KIF26B: variants seen among roughly 807,000 people sequenced by gnomAD.
The protein encoded by KIF26B is kinesin-like protein KIF26B.
KIF26B carries 63 observed loss-of-function variants against 151.2 expected under a neutral mutation model. The ratio of observed to expected loss-of-function variants is 0.42; its 90% CI spans 0.34 to 0.51. The LOEUF (loss-of-function observed/expected upper bound fraction) is 0.51. Among genes scored for constraint, KIF26B ranks in the 20% least tolerant of loss-of-function variants. The pLI is 0.07. For synonymous variants in KIF26B, 1,357 were observed against 1,262.1 expected, an observed-to-expected ratio of 1.08 and a Z score of -1.59; for missense variants, 2,813 against 2,913.6, an observed-to-expected ratio of 0.97 and a Z score of 0.79.
intron 4 of KIF26B, among the ~76,000 whole-genome samples, chr1:245,497,475 A>G (rs1660536886): frequency 1.3e-5 from 2 of 152,096 alleles, no homozygotes; most frequent in Admixed American, 1.3e-4. Context: ...TAAGCTGTAA[A>G]TCAATGACCA....
chr1:245,359,858 C>A (rs1474524362), intron 2 of KIF26B, among the ~76,000 whole-genome samples: 2 of 142,230 alleles, frequency 1.4e-5, no homozygotes, highest in Non-Finnish European at 3.0e-5. Flanking sequence ...ATTGTGATTT[C>A]TTTCTTTCTT....
chr1:245,557,129 G>T (rs1662058674), intron 5 of KIF26B, among the ~76,000 whole-genome samples: 1 of 152,212 alleles, frequency 6.6e-6, no homozygotes, highest in Non-Finnish European at 1.5e-5. Flanking sequence ...TGGGACACTT[G>T]CTCTGCAGTG....
rs1459395910 is a variant in KIF26B at position 245,358,391 on chromosome 1, G to A, written c.466-8443G>A. On this transcript the variant is annotated intron_variant, in intron 2 of 14. Transcript: ENST00000407071. This position sits in a 1 kb window ranked among gnomAD's most constrained non-coding sequence, Gnocchi z 4.1. Reference sequence around the variant, plus strand: ...AAATATTAGCCAGGCGTGGTGATGGGTGCCTGTAGTCCCAGCTACTCGGGA... The same window carrying A: ...AAATATTAGCCAGGCGTGGTGATGGATGCCTGTAGTCCCAGCTACTCGGGA... 1.3e-5 allele frequency among the ~76,000 whole-genome samples: 2 copies of A among 152,136 alleles called. No homozygotes were observed. Among genetic ancestry groups the A allele is most frequent in the Non-Finnish European group, 2.9e-5 (2 of 68,022 alleles).
intron 9 of KIF26B, among the ~76,000 whole-genome samples, chr1:245,635,694 T>C (rs533952145): frequency 4.1e-4 from 62 of 152,268 alleles, no homozygotes; most frequent in African/African-American, 1.4e-3. Flanking sequence ...CTCATCTTTT[T>C]CTAATTTCTT....
chr1:245,532,292 C>A (rs944978913), intron 4 of KIF26B, among the ~76,000 whole-genome samples: 4 of 140,890 alleles, frequency 2.8e-5, no homozygotes, highest in Admixed American at 1.5e-4. Flanking sequence ...GTCGCCCAGG[C>A]TGGAGTGCAG....
chr1:245,313,564 A>C (rs1671704292), intron 2 of KIF26B, among the ~76,000 whole-genome samples: 1 of 152,226 alleles, frequency 6.6e-6, no homozygotes, highest in African/African-American at 2.4e-5. Context: ...ACCACTAGCC[A>C]TGAGCACCAC....
intron 3 of KIF26B, among the ~76,000 whole-genome samples, chr1:245,369,674 C>CA (rs1256511459): frequency 6.6e-6 from 1 of 152,244 alleles, no homozygotes; most frequent in Admixed American, 6.5e-5. Context: ...GCAGAACCAG[C>CA]ACCAGCTCTC....
intron 3 of KIF26B, among the ~76,000 whole-genome samples, chr1:245,381,827 C>T (rs1285063730): frequency 7.9e-6 from 1 of 126,836 alleles, no homozygotes; most frequent in African/African-American, 2.5e-5. Flanking sequence ...TCACACAGAA[C>T]TTCTTCTCTG....
At chr1:245,260,431 G>C (rs1573738478) in intron 2 of KIF26B, among the ~76,000 whole-genome samples, 1 of 152,170 alleles carries the variant, frequency 6.6e-6, no homozygotes, top group African/African-American at 2.4e-5. Flanking sequence ...TACCTTTTCT[G>C]GGATTCAGGT....
chr1:245,686,865 G>A lies in KIF26B; in HGVS notation c.3882G>A (p.Ser1294=), dbSNP rs150300490. Residue 1294 remains serine, a synonymous_variant, in exon 12 of 15, where the codon TCG becomes TCA. Transcript: ENST00000407071. The surrounding 1 kb of genome is among the most constrained non-coding windows in gnomAD (Gnocchi z 5.6). ...EMSAGSEGEQ[S]CHSFIAQTCF... ...GCGCGGGCAGTGAGGGTGAGCAGTC[G>A]TGCCACAGTTTCATAGCCCAGACGT... 3.6e-4 allele frequency: 584 copies of A among 1,613,542 alleles called. 4 individuals carry two copies. The African/African-American group carries it at 6.5e-3, about 18-fold the overall frequency.
chr1:245,503,106 C>T (rs190086267), intron 4 of KIF26B, among the ~76,000 whole-genome samples: 39 of 152,120 alleles, frequency 2.6e-4, no homozygotes, highest in African/African-American at 8.4e-4. Flanking sequence ...GTGATCTGCC[C>T]GCCTCGGCCT....
intron 2 of KIF26B, among the ~76,000 whole-genome samples, chr1:245,305,224 G>GA (rs980362518): frequency 3.3e-5 from 5 of 151,854 alleles, no homozygotes; most frequent in Non-Finnish European, 7.4e-5. Flanking sequence ...AGGGACAAAC[G>GA]AAAAAAATAG....
At chr1:245,183,588 C>T (rs745846360) in intron 2 of KIF26B, among the ~76,000 whole-genome samples, 4 of 152,122 alleles carry the variant, frequency 2.6e-5, no homozygotes, top group South Asian at 2.1e-4. Flanking sequence ...ATGTAGTGGC[C>T]GTCACATGCT....
chr1:245,333,954 G>A (rs527789183), intron 2 of KIF26B, among the ~76,000 whole-genome samples: 3 of 151,772 alleles, frequency 2.0e-5, no homozygotes, highest in African/African-American at 4.8e-5. Flanking sequence ...GCTGAGATCC[G>A]CACCACTGCA....
chr1:245,321,476 A>G (rs1337480707), intron 2 of KIF26B, among the ~76,000 whole-genome samples: 1 of 152,226 alleles, frequency 6.6e-6, no homozygotes, highest in East Asian at 1.9e-4. Flanking sequence ...GCTGAATATA[A>G]CAAATCTGAT....
intron 2 of KIF26B, among the ~76,000 whole-genome samples, chr1:245,234,139 G>A (rs186799124): frequency 3.3e-5 from 5 of 151,808 alleles, no homozygotes; most frequent in Admixed American, 1.3e-4. Context: ...AGCCAAGATC[G>A]CGCCACTGCA....
At chr1:245,228,422 T>C (rs1669921321) in intron 2 of KIF26B, among the ~76,000 whole-genome samples, 2 of 151,910 alleles carry the variant, frequency 1.3e-5, no homozygotes, top group South Asian at 4.2e-4. Context: ...CAAAGTTAGC[T>C]GGGCCTGGAG....
Position 245,527,209 on chromosome 1 carries a change from T to G in KIF26B, c.1167-13558T>G, listed in dbSNP as rs116145841. On this transcript the variant is annotated intron_variant, in intron 4 of 14. Transcript: ENST00000407071. Reference sequence around the variant, plus strand: ...ATTCTTGAAATCAGATTATCTGGGATATGCTTATCCCTTGAAGGAATCTTA... The same window carrying G: ...ATTCTTGAAATCAGATTATCTGGGAGATGCTTATCCCTTGAAGGAATCTTA... 8.5e-3 allele frequency among the ~76,000 whole-genome samples: 1,292 copies of G among 152,328 alleles called. 16 individuals carry two copies. Among genetic ancestry groups the G allele is most frequent in the African/African-American group, 0.029 (1,216 of 41,574 alleles).
At chr1:245,647,837 T>C (rs1442470924) in intron 10 of KIF26B, among the ~76,000 whole-genome samples, 1 of 152,232 alleles carries the variant, frequency 6.6e-6, no homozygotes, top group African/African-American at 2.4e-5. Context: ...ATGGTGATTA[T>C]AATCCTGTCC....
Sources: gnomAD v4.1 joint callset for allele counts (sites outside exome capture counted in the v4.1 genomes callset) on GRCh38, gnomAD v4.1.1 for gene constraint, Gnocchi (gnomAD v3.1) non-coding constraint, MANE v1.5 for transcripts, NCBI Gene and HGNC (gene_info 2026-07-23, HGNC 2026-07-21) for gene names.